The following PTPRT variants were observed in gnomAD, a reference collection of about 807,000 sequenced individuals.
PTPRT encodes the protein protein tyrosine phosphatase receptor type T.
PTPRT carries 56 observed loss-of-function variants against 176.8 expected under a neutral mutation model. That is an observed-to-expected ratio of 0.32 (90% confidence interval 0.26 to 0.40). PTPRT has a LOEUF of 0.40. Among genes scored for constraint, PTPRT ranks in the 10% least tolerant of loss-of-function variants. The probability of loss-of-function intolerance (pLI) is 1.00; values close to 1 mark genes in which losing one functional copy is unlikely to be tolerated. For missense variants in PTPRT, 1,540 were observed against 1,908.2 expected, an observed-to-expected ratio of 0.81 and a Z score of 3.60; for synonymous variants, 783 against 739.0, an observed-to-expected ratio of 1.06 and a Z score of -0.96.
rs972088393 is a variant in PTPRT, at chr20:43,106,911, C to T, written c.88+82735G>A. Among the ~76,000 whole-genome samples the T allele has an allele frequency of 5.3e-5, 8 of 152,024 alleles. 1 individual carries two copies. Among genetic ancestry groups the T allele is most frequent in the Non-Finnish European group, 1.0e-4 (7 of 68,016 alleles). ...GTTCAAGCCATCCTCCCACCTCAGC[C>T]TCCCGAGTAGCTGGGAATACAGGCA... is the stretch of plus-strand genomic sequence containing the variant. On this transcript the variant is annotated intron_variant, in intron 1 of 30. Coordinates refer to ENST00000373187, the MANE Select transcript of PTPRT (RefSeq NM_007050.6).
At chr20:42,443,803 A>G (rs2059339681) in intron 9 of PTPRT, among the ~76,000 whole-genome samples, 1 of 152,256 alleles carries the variant, frequency 6.6e-6, no homozygotes, top group Non-Finnish European at 1.5e-5. Context: ...GGCTAGCAGC[A>G]GTAAAGAGGC....
Position 42,615,492 on chromosome 20 carries a change from C to G in PTPRT, c.1153+62374G>C, listed in dbSNP as rs1202842469. ...GGGTCAAATGGTATTTCTAGTTCTA[C>G]ATCCCTGAGGAATCGCCACAGTGAC... On this transcript the variant is annotated intron_variant, in intron 7 of 30. Coordinates refer to ENST00000373187, the MANE Select transcript of PTPRT (RefSeq NM_007050.6). 1.7e-4 allele frequency among the ~76,000 whole-genome samples: 24 copies of G among 138,738 alleles called. 2 individuals carry two copies. The highest frequency in any genetic ancestry group is 5.9e-4 in the East Asian group (3 of 5,082). 91.0% of individuals were successfully genotyped at this position (138,738 alleles called of 152,430 possible).
intron 7 of PTPRT, among the ~76,000 whole-genome samples, chr20:42,633,455 C>T (rs562857585): frequency 6.6e-6 from 1 of 152,020 alleles, no homozygotes; most frequent in South Asian, 2.1e-4. Flanking sequence ...AAACCCCAAT[C>T]TAACACTTCG....
chr20:42,476,212 T>C (rs2071286206), intron 7 of PTPRT, among the ~76,000 whole-genome samples: 1 of 152,174 alleles, frequency 6.6e-6, no homozygotes, highest in Non-Finnish European at 1.5e-5. Context: ...TGGAAGCTTG[T>C]GTGGGGTAGA....
intron 7 of PTPRT, among the ~76,000 whole-genome samples, chr20:42,613,847 A>G (rs761377258): frequency 6.6e-6 from 1 of 152,094 alleles, no homozygotes; most frequent in Non-Finnish European, 1.5e-5. Context: ...CTTTAATAAT[A>G]CTTTTAGAAT....
chr20:42,574,526 C>T (rs2073222017), intron 7 of PTPRT, among the ~76,000 whole-genome samples: 1 of 152,146 alleles, frequency 6.6e-6, no homozygotes, highest in South Asian at 2.1e-4. Context: ...AGACAGTGCA[C>T]CCAATGTCCC....
chr20:42,771,746 TGAAACCTCACA>T (rs1272049937), intron 4 of PTPRT, among the ~76,000 whole-genome samples, 196 bp from the exon 5 acceptor site: 1 of 152,218 alleles, frequency 6.6e-6, no homozygotes, highest in Non-Finnish European at 1.5e-5. Flanking sequence ...AGAATCTCAC[TGAAACCTCACA>T]GAAATCCATG....
chr20:42,411,733 C>A (rs2059020712), intron 9 of PTPRT, among the ~76,000 whole-genome samples: 1 of 151,404 alleles, frequency 6.6e-6, no homozygotes, highest in African/African-American at 2.4e-5. Context: ...ATGAAATAAA[C>A]AAATTATTTG....
intron 1 of PTPRT, among the ~76,000 whole-genome samples, chr20:43,130,097 A>G (rs1402188107): frequency 2.0e-5 from 3 of 152,234 alleles, no homozygotes; most frequent in African/African-American, 7.2e-5. Flanking sequence ...AATGTTGTGA[A>G]AATATATATT....
chr20:42,613,920 G>T (rs1265901911), intron 7 of PTPRT, among the ~76,000 whole-genome samples: 2 of 144,594 alleles, frequency 1.4e-5, no homozygotes, highest in Admixed American at 1.5e-4. Flanking sequence ...GAAGGAAAAG[G>T]ACAAAAAAAT....
At position 42,727,770 on chromosome 20, in the gene PTPRT, G is replaced by A. The variant is rs541195935; in HGVS notation, c.859+28692C>T. Among the ~76,000 whole-genome samples, 15 of 152,276 alleles carry A rather than the reference G, an allele frequency of 9.9e-5. No individual in the cohort carries two copies. In the East Asian group the frequency reaches 2.9e-3, roughly 29 times the overall value. ...GACTGATCTTACTAATGACACATTT[G>A]ACCTTGTTACTTTTGTGTTTAAAAC... On this transcript the variant is annotated intron_variant, in intron 6 of 30. Coordinates refer to ENST00000373187, the MANE Select transcript of PTPRT (RefSeq NM_007050.6).
chr20:42,944,139 G>A (rs1056609975), intron 1 of PTPRT, among the ~76,000 whole-genome samples: 3 of 152,152 alleles, frequency 2.0e-5, no homozygotes, highest in African/African-American at 7.2e-5. Flanking sequence ...CCACATTCCT[G>A]GGTCCACTAT....
intron 16 of PTPRT, among the ~76,000 whole-genome samples, chr20:42,176,134 G>T (rs1990281306): frequency 1.3e-5 from 2 of 152,130 alleles, no homozygotes; most frequent in African/African-American, 4.8e-5. Context: ...GTTTACTCGT[G>T]TATCTCCAGA....
intron 2 of PTPRT, among the ~76,000 whole-genome samples, chr20:42,883,899 C>T (rs1420978441): frequency 1.4e-5 from 2 of 138,658 alleles, no homozygotes; most frequent in Admixed American, 7.1e-5. Flanking sequence ...CACCCCCATA[C>T]ACACACACAC....
chr20:42,901,232 C>T (rs903385215), intron 1 of PTPRT, among the ~76,000 whole-genome samples: 1 of 152,110 alleles, frequency 6.6e-6, no homozygotes, highest in Non-Finnish European at 1.5e-5. Context: ...CCTCTGACTC[C>T]ACCGGACTTC....
At chr20:42,344,366 A>G (rs1396440831) in intron 11 of PTPRT, among the ~76,000 whole-genome samples, 1 of 152,230 alleles carries the variant, frequency 6.6e-6, no homozygotes, top group Non-Finnish European at 1.5e-5. Context: ...ATTGGATAAG[A>G]CTGGTCTGAT....
chr20:43,107,211 C>T (rs1183372513), intron 1 of PTPRT, among the ~76,000 whole-genome samples: 3 of 152,120 alleles, frequency 2.0e-5, no homozygotes, highest in Non-Finnish European at 4.4e-5. Flanking sequence ...ACCCTCCAAA[C>T]AGAGTCAAAT....
intron 1 of PTPRT, among the ~76,000 whole-genome samples, chr20:43,109,397 A>C (rs937919528): frequency 2.0e-5 from 3 of 152,178 alleles, no homozygotes; most frequent in Non-Finnish European, 4.4e-5. Context: ...AAGACTCAGG[A>C]ACCACAGGCA....
intron 7 of PTPRT, among the ~76,000 whole-genome samples, chr20:42,620,227 G>A (rs940623583): frequency 1.3e-5 from 2 of 150,064 alleles, no homozygotes; most frequent in Non-Finnish European, 3.0e-5. Flanking sequence ...GCCCCTGCTG[G>A]GGGGTGCCTC....
Sources: allele counts gnomAD v4.1 joint callset (sites outside exome capture counted in the v4.1 genomes callset), GRCh38; gene constraint gnomAD v4.1.1; transcripts MANE v1.5; gene names NCBI Gene and HGNC (gene_info 2026-07-23, HGNC 2026-07-21).